The following ADAMTSL1 variants were observed in gnomAD, a reference collection of about 807,000 sequenced individuals.
ADAMTSL1 encodes the protein ADAMTS-like protein 1.
A neutral mutation model predicts 201.8 loss-of-function variants in ADAMTSL1; 126 were observed. That is an observed-to-expected ratio of 0.62 (90% CI 0.54 to 0.72). ADAMTSL1 has a LOEUF of 0.72. Among genes scored for constraint, ADAMTSL1 ranks in the 30% least tolerant of loss-of-function variants. The pLI, the probability that ADAMTSL1 is intolerant of heterozygous loss-of-function variation, is 0.00. For synonymous variants in ADAMTSL1, 1,121 were observed against 903.4 expected, an observed-to-expected ratio of 1.24 and a Z score of -4.32; for missense variants, 2,679 against 2,277.8, an observed-to-expected ratio of 1.18 and a Z score of -3.59.
intron 2 of ADAMTSL1, among the ~76,000 whole-genome samples, chr9:18,200,163 G>A (rs1829377816): frequency 1.3e-5 from 2 of 151,998 alleles, no homozygotes; most frequent in African/African-American, 2.4e-5. Context: ...GCTAGGCACA[G>A]TGGTTCAGAC....
rs757704040 is a variant in ADAMTSL1 at position 18,622,380 on chromosome 9, C to T, written c.601+11C>T. Reference sequence around the variant, plus strand: ...TCTCCGCAACCAAATGTAAGACACACAGAGATGGGCGACCTTTGGACTTGT... The same window carrying T: ...TCTCCGCAACCAAATGTAAGACACATAGAGATGGGCGACCTTTGGACTTGT... On this transcript the variant is annotated intron_variant, in intron 5 of 28. Transcript: ENST00000380548. 10 of 1,614,016 alleles carry T rather than the reference C, an allele frequency of 6.2e-6. No homozygotes were observed. The highest frequency in any genetic ancestry group is 8.5e-6 in the Non-Finnish European group (10 of 1,179,930).
chr9:18,233,601 G>A (rs1563824826), intron 2 of ADAMTSL1, among the ~76,000 whole-genome samples: 1 of 151,914 alleles, frequency 6.6e-6, no homozygotes, highest in Non-Finnish European at 1.5e-5. Context: ...GTAAAATTGC[G>A]AGGTGAGACA....
chr9:18,099,088 C>T (rs80352522), intron 1 of ADAMTSL1, among the ~76,000 whole-genome samples: 3,679 of 146,934 alleles, frequency 0.025, 53 homozygotes, highest in Middle Eastern at 0.044. Flanking sequence ...GACTTTTTTG[C>T]AGGTTGACAG....
intron 1 of ADAMTSL1, among the ~76,000 whole-genome samples, chr9:18,488,959 T>G (rs1053816948): frequency 6.6e-6 from 1 of 152,204 alleles, no homozygotes; most frequent in East Asian, 1.9e-4. Flanking sequence ...AGTCATCCAG[T>G]GAATTCACTC....
At chr9:18,660,998 A>G (rs1253377579) in intron 8 of ADAMTSL1, among the ~76,000 whole-genome samples, 1 of 152,170 alleles carries the variant, frequency 6.6e-6, no homozygotes, top group Non-Finnish European at 1.5e-5. Flanking sequence ...CCTGCTAGGG[A>G]TAATGTATTT....
At chr9:18,369,020 G>C (rs1836915568) in intron 2 of ADAMTSL1, among the ~76,000 whole-genome samples, 1 of 152,188 alleles carries the variant, frequency 6.6e-6, no homozygotes, top group Admixed American at 6.5e-5. Flanking sequence ...TTCACTTGCA[G>C]ATGTGTCTAA....
At chr9:17,977,055 C>T (rs1363299909) in intron 1 of ADAMTSL1, among the ~76,000 whole-genome samples, 3 of 152,052 alleles carry the variant, frequency 2.0e-5, no homozygotes, top group East Asian at 3.9e-4. Context: ...TAAATTTCAT[C>T]GGATGCCTTT....
rs185528140 is a variant in ADAMTSL1 at position 18,479,923 on chromosome 9, C to T, written c.63+5628C>T. Among the ~76,000 whole-genome samples the T allele has an allele frequency of 9.9e-5, 15 of 152,276 alleles. No individual in the cohort carries two copies. The South Asian group carries it at 1.5e-3, about 15-fold the overall frequency. On this transcript the variant is annotated intron_variant, in intron 1 of 28. Transcript: ENST00000380548. ...AGACCAAGTCATCAACGCTAAGAAA[C>T]GCAAAAGAGGTATATATTCTGTATT...
At chr9:18,494,669 G>A (rs1228848640) in intron 1 of ADAMTSL1, among the ~76,000 whole-genome samples, 2 of 152,200 alleles carry the variant, frequency 1.3e-5, no homozygotes, top group East Asian at 3.8e-4. Flanking sequence ...GAAGCGTCTT[G>A]TATGCTATGC....
intron 1 of ADAMTSL1, among the ~76,000 whole-genome samples, chr9:18,504,529 C>T (rs978442208): frequency 6.6e-6 from 1 of 152,162 alleles, no homozygotes; most frequent in African/African-American, 2.4e-5. Context: ...AAAATTGTGA[C>T]TTCAATGCAA....
intron 13 of ADAMTSL1, among the ~76,000 whole-genome samples, chr9:18,699,117 C>T (rs559712224): frequency 6.6e-6 from 1 of 152,226 alleles, no homozygotes; most frequent in East Asian, 1.9e-4. Flanking sequence ...GGAAAATGTG[C>T]TCTTTAATGC....
intron 1 of ADAMTSL1, among the ~76,000 whole-genome samples, chr9:18,068,475 G>A (rs1195860228): frequency 6.6e-6 from 1 of 152,038 alleles, no homozygotes; most frequent in Non-Finnish European, 1.5e-5. Context: ...TTTTATATAA[G>A]GAACTTAAAC....
At chr9:18,170,115 T>C (rs1827824100) in intron 2 of ADAMTSL1, among the ~76,000 whole-genome samples, 8 of 152,080 alleles carry the variant, frequency 5.3e-5, no homozygotes, top group Admixed American at 5.3e-4. Context: ...ATTATTTGCC[T>C]GTATTTTACA....
At chr9:18,259,610 T>C (rs998660823) in intron 2 of ADAMTSL1, among the ~76,000 whole-genome samples, 1 of 152,170 alleles carries the variant, frequency 6.6e-6, no homozygotes, top group Non-Finnish European at 1.5e-5. Flanking sequence ...AGCCCTCCTC[T>C]TTCTGCTCCC....
At chr9:18,342,597 G>T (rs543733044) in intron 2 of ADAMTSL1, among the ~76,000 whole-genome samples, 2 of 152,068 alleles carry the variant, frequency 1.3e-5, no homozygotes, top group African/African-American at 4.8e-5. Context: ...TTACCTTTTG[G>T]CTTCTAACAG....
chr9:17,927,373 T>C (rs1368095012), intron 1 of ADAMTSL1, among the ~76,000 whole-genome samples: 1 of 152,156 alleles, frequency 6.6e-6, no homozygotes, highest in East Asian at 1.9e-4. Flanking sequence ...CATATGTGCA[T>C]ATACATGCAC....
intron 5 of ADAMTSL1, among the ~76,000 whole-genome samples, chr9:18,624,414 C>G (rs554768199): frequency 6.6e-6 from 1 of 152,144 alleles, no homozygotes; most frequent in African/African-American, 2.4e-5. Flanking sequence ...TAAAAGATCA[C>G]TCTTAAGAAC....
intron 13 of ADAMTSL1, among the ~76,000 whole-genome samples, chr9:18,703,777 T>C (rs1332284072): frequency 7.2e-6 from 1 of 138,860 alleles, no homozygotes; most frequent in African/African-American, 2.6e-5. Context: ...CTTTCAACCA[T>C]TGCAACAAGT....
At chr9:18,808,806 T>C (rs138375080) in intron 20 of ADAMTSL1, among the ~76,000 whole-genome samples, 262 of 152,314 alleles carry the variant, frequency 1.7e-3, no homozygotes, top group Non-Finnish European at 2.9e-3. Context: ...CACCAGACTT[T>C]AGGTCAAAGA....
Sources: allele counts gnomAD v4.1 joint callset (sites outside exome capture counted in the v4.1 genomes callset), GRCh38; gene constraint gnomAD v4.1.1; transcripts MANE v1.5; gene names NCBI Gene and HGNC (gene_info 2026-07-23, HGNC 2026-07-21).